The following COBLL1 variants were observed in gnomAD, a reference collection of about 807,000 sequenced individuals.
COBLL1 encodes cordon-bleu protein-like 1.
A neutral mutation model predicts 94.8 loss-of-function variants in COBLL1; 50 were observed. The ratio of observed to expected loss-of-function variants is 0.53; its 90% CI spans 0.42 to 0.67. The LOEUF is 0.67. Among genes scored for constraint, COBLL1 ranks in the 30% least tolerant of loss-of-function variants. The probability of loss-of-function intolerance (pLI) is 0.00; values close to 1 mark genes in which losing one functional copy is unlikely to be tolerated. For synonymous variants in COBLL1, 448 were observed against 473.8 expected (o/e 0.95, Z 0.71); for missense variants, 1,362 against 1,348.7 (o/e 1.01, Z -0.15).
intron 2 of COBLL1, among the ~76,000 whole-genome samples, chr2:164,774,757 C>G (rs1389707532): frequency 6.6e-6 from 1 of 150,594 alleles, no homozygotes; most frequent in Non-Finnish European, 1.5e-5. Flanking sequence ...AAGAATGAGT[C>G]TAGAGCGTTA....
At position 164,810,007 on chromosome 2, in the gene COBLL1, T is replaced by C. The variant is rs1684383673; in HGVS notation, c.41+31149A>G. On this transcript the variant is annotated intron_variant, in intron 2 of 13. Coordinates refer to ENST00000652658, the MANE Select transcript of COBLL1 (RefSeq NM_001365672.2). ...TTTTACTTTGAGATGTTTAGAAAAT[T>C]TTACTTTAGAAAAAATAAAACAAAT... Among the ~76,000 whole-genome samples, 3 of 151,708 alleles carry C rather than the reference T, an allele frequency of 2.0e-5. No individual in the cohort carries two copies. In the South Asian group the frequency reaches 6.2e-4, roughly 31 times the overall value.
chr2:164,776,572 TTTTTA>T (rs1276605394), intron 2 of COBLL1, among the ~76,000 whole-genome samples: 1 of 151,972 alleles, frequency 6.6e-6, no homozygotes, highest in African/African-American at 2.4e-5. Context: ...TCACTGTTTT[TTTTTA>T]ATTTATTTTG....
At chr2:164,719,999 A>T (rs976802049) in intron 7 of COBLL1, among the ~76,000 whole-genome samples, 2 of 152,170 alleles carry the variant, frequency 1.3e-5, no homozygotes, top group African/African-American at 4.8e-5. Context: ...GAAAAAGACA[A>T]ATCAAGACCA....
intron 2 of COBLL1, among the ~76,000 whole-genome samples, chr2:164,776,326 A>G (rs916274903): frequency 1.3e-5 from 2 of 151,974 alleles, no homozygotes; most frequent in African/African-American, 2.4e-5. Flanking sequence ...TCTAGTTCTC[A>G]TGGCCCCTTC....
intron 13 of COBLL1, among the ~76,000 whole-genome samples, chr2:164,690,981 T>C (rs756127733): frequency 1.3e-5 from 2 of 152,188 alleles, no homozygotes; most frequent in Non-Finnish European, 2.9e-5. Context: ...AATTTCAATA[T>C]TAAAAGCTAT....
At chr2:164,721,900 G>A in intron 7 of COBLL1, 175 bp downstream of exon 7, 1 of 461,256 alleles carries the variant, frequency 2.2e-6, no homozygotes, top group South Asian at 4.4e-5. Context: ...TCTATTCCTA[G>A]TACCAATCTT....
intron 5 of COBLL1, among the ~76,000 whole-genome samples, chr2:164,726,344 G>GT (rs2105510698): frequency 6.6e-6 from 1 of 152,080 alleles, no homozygotes; most frequent in South Asian, 2.1e-4. Flanking sequence ...GTTAAGGCTT[G>GT]TTTTTTTAGT....
In COBLL1 at chr2:164,705,471, C is replaced by T. The variant is rs552314154; in HGVS notation, c.997-366G>A. ...ACATTATTTGTATAGTAGTATTTGGCTTGATTAAATCTACCTCTTTACAGC... is the reference window on the plus strand; with the variant it reads ...ACATTATTTGTATAGTAGTATTTGGTTTGATTAAATCTACCTCTTTACAGC... On this transcript the variant is annotated intron_variant, in intron 7 of 13. Transcript: ENST00000652658. The T allele has an allele frequency of 3.4e-4, 54 of 157,408 alleles. 1 individual carries two copies. The South Asian group carries it at 4.5e-3, about 13-fold the overall frequency. The allele number at this position is 157,408 out of a possible 1,614,324, so 9.8% of individuals were successfully genotyped here.
intron 11 of COBLL1, chr2:164,697,997 A>G (rs1684041912): frequency 6.6e-6 from 1 of 152,120 alleles, no homozygotes; most frequent in Non-Finnish European, 1.5e-5. Context: ...GAATAAAACT[A>G]CTTTAAGAAT....
chr2:164,736,607 C>T (rs1237265846), intron 3 of COBLL1, among the ~76,000 whole-genome samples: 1 of 152,090 alleles, frequency 6.6e-6, no homozygotes, highest in Non-Finnish European at 1.5e-5. Context: ...TAATTACCAT[C>T]ATAAAAATTG....
chr2:164,668,153 G>A (rs747519947), intron 1 of COBLL1, among the ~76,000 whole-genome samples: 3 of 151,964 alleles, frequency 2.0e-5, no homozygotes, highest in Non-Finnish European at 4.4e-5. Context: ...TTGTAGAGGT[G>A]GGGTTTCACC....
chr2:164,703,154 G>A (rs1217626367), intron 9 of COBLL1: 2 of 1,614,038 alleles, frequency 1.2e-6, no homozygotes, highest in Admixed American at 3.3e-5. Context: ...CTCAAAGACA[G>A]AGGTTTCCTC....
chr2:164,818,283 TATATGTATGTATAC>T (rs1293586396), intron 2 of COBLL1, among the ~76,000 whole-genome samples: 1 of 147,148 alleles, frequency 6.8e-6, no homozygotes, highest in African/African-American at 2.5e-5. Flanking sequence ...TATGTATACA[TATATGTATGTATAC>T]ATATGTATAC....
intron 2 of COBLL1, among the ~76,000 whole-genome samples, chr2:164,805,488 T>C (rs1458152058): frequency 6.6e-6 from 1 of 150,552 alleles, no homozygotes; most frequent in Non-Finnish European, 1.5e-5. Flanking sequence ...TCCCATGATC[T>C]ATCTATTTAT....
At position 164,684,436 on chromosome 2, in the gene COBLL1, T is replaced by A. The variant is rs934452892; in HGVS notation, c.*1510A>T. The A allele has an allele frequency of 6.6e-6, 1 of 152,118 alleles. No homozygotes were observed. Among genetic ancestry groups the A allele is most frequent in the Non-Finnish European group, 1.5e-5 (1 of 68,000 alleles). 9.4% of individuals were successfully genotyped at this position (152,118 alleles called of 1,614,324 possible). ...TGACAACACAATTTTTTAAAAAAAATTCACTCCTTTCTCTACTTGCTTATA... is the reference window on the plus strand; with the variant it reads ...TGACAACACAATTTTTTAAAAAAAAATCACTCCTTTCTCTACTTGCTTATA... On this transcript the variant is annotated 3_prime_UTR_variant, in exon 14 of 14. Coordinates refer to ENST00000652658, the MANE Select transcript of COBLL1 (RefSeq NM_001365672.2).
chr2:164,709,622 G>T (rs1031280775), intron 7 of COBLL1, among the ~76,000 whole-genome samples: 1 of 152,248 alleles, frequency 6.6e-6, no homozygotes, highest in Admixed American at 6.5e-5. Context: ...GGAGGCTGAG[G>T]CAGAAGAATC....
intron 4 of COBLL1, 87 bp downstream of exon 4, chr2:164,729,827 A>T: frequency 8.7e-7 from 1 of 1,149,624 alleles, no homozygotes; most frequent in Non-Finnish European, 1.3e-6. Flanking sequence ...CATCAAATTT[A>T]ACCAGTAAAG....
intron 3 of COBLL1, among the ~76,000 whole-genome samples, chr2:164,739,376 C>G (rs981273507): frequency 6.6e-6 from 1 of 152,160 alleles, no homozygotes; most frequent in Admixed American, 6.5e-5. Context: ...CAAAATAGAA[C>G]ATCCTGAGCC....
intron 1 of COBLL1, among the ~76,000 whole-genome samples, chr2:164,668,868 T>G (rs1467955605): frequency 6.6e-6 from 1 of 152,238 alleles, no homozygotes; most frequent in African/African-American, 2.4e-5. Context: ...TGCCTGAATT[T>G]ATATACTTTT....
Sources: gnomAD v4.1 joint callset for allele counts (sites outside exome capture counted in the v4.1 genomes callset) on GRCh38, gnomAD v4.1.1 for gene constraint, MANE v1.5 for transcripts, NCBI Gene and HGNC (gene_info 2026-07-23, HGNC 2026-07-21) for gene names.